Variants in SACM1L observed in about 807,000 individuals in gnomAD.
The protein encoded by SACM1L is SAC1 like phosphatidylinositide phosphatase, also known as phosphatidylinositol-3-phosphatase SAC1.
SACM1L carries 32 observed loss-of-function variants against 89.5 expected under a neutral mutation model. That is an observed-to-expected ratio of 0.36 (90% CI 0.27 to 0.48). The LOEUF is 0.48. SACM1L is among the 20% of genes least tolerant of loss of function. SACM1L has a pLI of 0.99. For synonymous variants in SACM1L, 213 were observed against 232.8 expected, an observed-to-expected ratio of 0.92 and a Z score of 0.77; for missense variants, 543 against 708.5, an observed-to-expected ratio of 0.77 and a Z score of 2.65.
chr3:45,692,289 C>T (rs1698012995), intron 1 of SACM1L, among the ~76,000 whole-genome samples: 1 of 151,578 alleles, frequency 6.6e-6, no homozygotes, highest in Non-Finnish European at 1.5e-5. Flanking sequence ...TGATACTTCA[C>T]AGGATTATTG....
intron 1 of SACM1L, among the ~76,000 whole-genome samples, chr3:45,692,002 C>T (rs1698003998): frequency 6.6e-6 from 1 of 152,144 alleles, no homozygotes; most frequent in African/African-American, 2.4e-5. Flanking sequence ...ATTTATTTCC[C>T]GTAACTGCCC....
intron 1 of SACM1L, 22 bp downstream of exon 1, chr3:45,689,519 C>A: frequency 1.3e-6 from 2 of 1,567,114 alleles, no homozygotes; most frequent in Non-Finnish European, 1.7e-6. Flanking sequence ...GGGCCAGAGG[C>A]CTGAGGCGCG....
At chr3:45,693,894 T>G (rs1698061579) in intron 1 of SACM1L, among the ~76,000 whole-genome samples, 2 of 152,252 alleles carry the variant, frequency 1.3e-5, no homozygotes, top group African/African-American at 2.4e-5. Flanking sequence ...TTAAGCCATT[T>G]GTATAGGCAT....
chr3:45,706,768 T>G lies in SACM1L; in HGVS notation c.206-12T>G. On this transcript the variant is annotated splice_polypyrimidine_tract_variant and intron_variant, in intron 3 of 19. Coordinates refer to ENST00000389061, the MANE Select transcript of SACM1L (RefSeq NM_014016.5). ...TTTTTATAATTATGTGTGTTTGGCT[T>G]GCTTTTTGCAGGTAATTATCTTATA... 1 of 1,587,808 alleles carries G rather than the reference T, an allele frequency of 6.3e-7. No individual in the cohort carries two copies. Among genetic ancestry groups the G allele is most frequent in the African/African-American group, 1.4e-5 (1 of 73,818 alleles).
intron 1 of SACM1L, chr3:45,690,219 G>GT (rs1052703514): frequency 1.6e-4 from 25 of 152,306 alleles, no homozygotes; most frequent in African/African-American, 5.8e-4. Context: ...GTTTTTAAGG[G>GT]TTTTGGTTTG....
At position 45,723,551 on chromosome 3, in the gene SACM1L, T is replaced by C; in HGVS notation, c.921+8T>C. ...CAAGTTATAATCAATCTGGTATGTT[T>C]CTTATGTTTCTTGGGGGGAAAAAAA... is the stretch of plus-strand genomic sequence containing the variant. On this transcript the variant is annotated splice_region_variant and intron_variant, in intron 11 of 19. Transcript: ENST00000389061. 7.3e-7 allele frequency: 1 copy of C among 1,373,444 alleles called. No individual in the cohort carries two copies. The highest frequency in any genetic ancestry group is 9.9e-7 in the Non-Finnish European group (1 of 1,014,460). 85.1% of individuals were successfully genotyped at this position (1,373,444 alleles called of 1,614,324 possible). A position where few individuals can be genotyped will look rare whatever the true frequency, so the allele number is the denominator to read the frequency against.
intron 8 of SACM1L, 76 bp from the exon 9 acceptor site, chr3:45,721,924 A>T: frequency 3.2e-6 from 3 of 943,738 alleles, no homozygotes; most frequent in Admixed American, 4.0e-5. Flanking sequence ...TCTCCAAGTT[A>T]ACCTGAATTA....
chr3:45,722,166 CCT>C (rs1360936720), intron 9 of SACM1L, 81 bp downstream of exon 9: 3 of 829,770 alleles, frequency 3.6e-6, no homozygotes, highest in Non-Finnish European at 5.8e-6. Context: ...TTGAAATTTC[CCT>C]CTTTTCCCTT....
At chr3:45,702,944 T>C (rs1226889953) in intron 1 of SACM1L, among the ~76,000 whole-genome samples, 1 of 152,248 alleles carries the variant, frequency 6.6e-6, no homozygotes, top group Non-Finnish European at 1.5e-5. Flanking sequence ...CTTACTGTTT[T>C]TAGCTAATAC....
At position 45,739,492 on chromosome 3, in the gene SACM1L, G is replaced by C; in HGVS notation, c.1570-95G>C. On this transcript the variant is annotated intron_variant, in intron 18 of 19. Coordinates refer to ENST00000389061, the MANE Select transcript of SACM1L (RefSeq NM_014016.5). The stretch of plus-strand genomic sequence containing the variant: ...TAGCTGTGTATTAGCTGACAGATGA[G>C]TTTTATTCTTTTCCCAAGCAATGCA... 3 of 1,076,158 alleles carry C rather than the reference G, an allele frequency of 2.8e-6. No homozygotes were observed. The East Asian group carries it at 7.1e-5, about 25-fold the overall frequency. The allele number at this position is 1,076,158 out of a possible 1,614,324, so 66.7% of individuals were successfully genotyped here.
chr3:45,724,101 C>A (rs1435198752), intron 11 of SACM1L, among the ~76,000 whole-genome samples: 1 of 151,986 alleles, frequency 6.6e-6, no homozygotes, highest in African/African-American at 2.4e-5. Context: ...GTGCAAGTAT[C>A]TGATTGAGTC....
intron 11 of SACM1L, among the ~76,000 whole-genome samples, chr3:45,729,921 T>A (rs1457266152): frequency 6.6e-6 from 1 of 152,152 alleles, no homozygotes. Flanking sequence ...AATATTTTAT[T>A]TCACTTTTTG....
At position 45,727,740 on chromosome 3, in the gene SACM1L, C is replaced by T. The variant is rs181640542; in HGVS notation, c.922-3561C>T. On this transcript the variant is annotated intron_variant, in intron 11 of 19. Transcript: ENST00000389061. ...CCTCCCGAGTAGCTGGGACTACAGG[C>T]GCCCACCACCACACCTGGCTGATTT... Among the ~76,000 whole-genome samples the T allele has an allele frequency of 2.8e-3, 431 of 152,234 alleles. 2 individuals are homozygous for T. Among genetic ancestry groups the T allele is most frequent in the Admixed American group, 0.021 (327 of 15,292 alleles).
intron 1 of SACM1L, among the ~76,000 whole-genome samples, chr3:45,701,776 T>C (rs984588846): frequency 1.3e-5 from 2 of 152,166 alleles, no homozygotes; most frequent in African/African-American, 4.8e-5. Context: ...CTCCTTTTTC[T>C]CCCTTCCTGC....
At chr3:45,712,246 T>C (rs533228317) in intron 5 of SACM1L, among the ~76,000 whole-genome samples, 43 of 152,250 alleles carry the variant, frequency 2.8e-4, no homozygotes, top group Non-Finnish European at 6.0e-4. Context: ...AGTTATTTTG[T>C]TTGTTTTTTC....
At chr3:45,732,271 G>C in intron 13 of SACM1L, 120 bp downstream of exon 13, 1 of 467,630 alleles carries the variant, frequency 2.1e-6, no homozygotes, top group East Asian at 3.3e-5. Context: ...TTGCTTGTCT[G>C]TACTATTTTA....
intron 7 of SACM1L, among the ~76,000 whole-genome samples, chr3:45,714,720 C>T (rs1469700607): frequency 6.6e-6 from 1 of 152,142 alleles, no homozygotes; most frequent in Non-Finnish European, 1.5e-5. Context: ...AGGGAGAAAT[C>T]AGAGTACAGA....
chr3:45,717,602 A>G (rs1475473817), intron 7 of SACM1L, among the ~76,000 whole-genome samples: 1 of 152,252 alleles, frequency 6.6e-6, no homozygotes, highest in Non-Finnish European at 1.5e-5. Context: ...TAATGGATGC[A>G]TCAAATTATA....
chr3:45,740,421 G>T lies in SACM1L; in HGVS notation c.1627+777G>T, dbSNP rs528857407. On this transcript the variant is annotated intron_variant, in intron 19 of 19. Coordinates refer to ENST00000389061, the MANE Select transcript of SACM1L (RefSeq NM_014016.5). Reference sequence around the variant, plus strand: ...TGGGGCCCACAAGGAATTTGCTTGTGACAGTTTGTGAGGGTGGCCATCTGT... The same window carrying T: ...TGGGGCCCACAAGGAATTTGCTTGTTACAGTTTGTGAGGGTGGCCATCTGT... Among the ~76,000 whole-genome samples the T allele has an allele frequency of 2.0e-5, 3 of 152,300 alleles. No homozygotes were observed. In the South Asian group the frequency reaches 6.2e-4, roughly 32 times the overall value.
Sources: allele counts gnomAD v4.1 joint callset (sites outside exome capture counted in the v4.1 genomes callset), GRCh38; gene constraint gnomAD v4.1.1; transcripts MANE v1.5; gene names NCBI Gene and HGNC (gene_info 2026-07-23, HGNC 2026-07-21).